The following KCNK9 variants were observed in gnomAD, a reference collection of about 807,000 sequenced individuals.
KCNK9 encodes potassium two pore domain channel subfamily K member 9, also known as potassium channel subfamily K member 9.
KCNK9 carries 1 observed loss-of-function variant against 10.8 expected under a neutral mutation model. The observed-to-expected ratio is 0.09, with a 90% CI of 0.03 to 0.44. KCNK9 has a LOEUF of 0.44. Ranked by LOEUF, KCNK9 falls within the 20% of genes least tolerant of loss-of-function variation. The pLI, the probability that KCNK9 is intolerant of heterozygous loss-of-function variation, is 0.97. For synonymous variants in KCNK9, 231 were observed against 222.7 expected (o/e 1.04, Z -0.33); for missense variants, 303 against 515.0 (o/e 0.59, Z 3.98).
At chr8:139,698,631 T>C (rs767657744) in intron 1 of KCNK9, among the ~76,000 whole-genome samples, 1 of 152,162 alleles carries the variant, frequency 6.6e-6, no homozygotes, top group Non-Finnish European at 1.5e-5. Context: ...TCCAGCTCCC[T>C]CCTCCTCACT....
chr8:139,667,157 C>T (rs1254688378), intron 1 of KCNK9, among the ~76,000 whole-genome samples: 1 of 152,194 alleles, frequency 6.6e-6, no homozygotes, highest in Non-Finnish European at 1.5e-5. Context: ...CAGAAGCGCC[C>T]GAGTGGGCTG....
intron 1 of KCNK9, among the ~76,000 whole-genome samples, chr8:139,623,508 C>A (rs1004403299): frequency 6.6e-6 from 1 of 152,260 alleles, no homozygotes; most frequent in South Asian, 2.1e-4. Context: ...CGGATAGAGG[C>A]TGGGGCATGG....
rs1347908654 is a variant in KCNK9 at position 139,703,070 on chromosome 8, GGCCGCCGCCGCCTCCTCCTCCGCCGCC to G, written c.-105_-79del. On this transcript the variant is annotated 5_prime_UTR_variant, in exon 1 of 2. Transcript: ENST00000520439. This position sits in a 1 kb window ranked among gnomAD's most constrained non-coding sequence, Gnocchi z 6.4. ...CGCGCGTCCCACTGCAGCGCCCGGCGGCCGCCGCCGCCTCCTCCTCCGCCGCCGCCGCCGCCGCCTCCAAGTTGTAAG... is the reference window on the plus strand; with the variant it reads ...CGCGCGTCCCACTGCAGCGCCCGGCGGCCGCCGCCGCCTCCAAGTTGTAAG... The G allele has an allele frequency of 7.1e-6, 9 of 1,265,614 alleles. No homozygotes were observed. The highest frequency in any genetic ancestry group is 2.9e-4 in the Middle Eastern group (1 of 3,398). 78.4% of individuals were successfully genotyped at this position (1,265,614 alleles called of 1,614,324 possible).
intron 1 of KCNK9, among the ~76,000 whole-genome samples, chr8:139,656,650 G>T (rs953615232): frequency 2.0e-5 from 3 of 152,152 alleles, no homozygotes; most frequent in Admixed American, 6.5e-5. Flanking sequence ...CCAAATTTTG[G>T]AGGAGCTCAA....
chr8:139,642,835 T>C (rs1481203452), intron 1 of KCNK9, among the ~76,000 whole-genome samples: 1 of 152,140 alleles, frequency 6.6e-6, no homozygotes, highest in Non-Finnish European at 1.5e-5. Context: ...GCGGCCCCCA[T>C]GGGGAACCTG....
At chr8:139,682,897 G>C (rs1482381952) in intron 1 of KCNK9, among the ~76,000 whole-genome samples, 4 of 152,086 alleles carry the variant, frequency 2.6e-5, no homozygotes, top group South Asian at 2.1e-4. Flanking sequence ...ATTAGAGAGG[G>C]CTCCTCTGTG....
chr8:139,612,695 T>G (rs1030044802), downstream of KCNK9: 4 of 152,178 alleles, frequency 2.6e-5, no homozygotes, highest in African/African-American at 9.7e-5. Flanking sequence ...AAAACAACAT[T>G]TAATATGACT....
At position 139,680,522 on chromosome 8, in the gene KCNK9, G is replaced by A. The variant is rs7821614; in HGVS notation, c.283+22188C>T. ...AGGAAGATGGATCCTTACCCATGGA[G>A]GAGATCAGAGGAGGAGGCTGACGTG... On this transcript the variant is annotated intron_variant, in intron 1 of 1. Coordinates refer to ENST00000520439, the MANE Select transcript of KCNK9 (RefSeq NM_001282534.2). 6.5e-3 allele frequency among the ~76,000 whole-genome samples: 988 copies of A among 152,294 alleles called. 7 individuals are homozygous for A. The highest frequency in any genetic ancestry group is 0.023 in the African/African-American group (937 of 41,568).
chr8:139,630,593 G>A (rs981609042), intron 1 of KCNK9, among the ~76,000 whole-genome samples: 2 of 152,248 alleles, frequency 1.3e-5, no homozygotes, highest in South Asian at 2.1e-4. Context: ...GCCAATGGAA[G>A]GCCCGCGGAG....
Position 139,702,652 on chromosome 8 carries a change from G to T in KCNK9, c.283+58C>A. Reference sequence around the variant, plus strand: ...CACCCAGCCCGGCGCGGCGCGCTCAGCCGCCTCCCCGGACTCCTCCCGGGG... The same window carrying T: ...CACCCAGCCCGGCGCGGCGCGCTCATCCGCCTCCCCGGACTCCTCCCGGGG... On this transcript the variant is annotated intron_variant, in intron 1 of 1. Transcript: ENST00000520439. The surrounding 1 kb of genome is among the most constrained non-coding windows in gnomAD (Gnocchi z 7.5). The T allele has an allele frequency of 6.6e-7, 1 of 1,518,140 alleles. No individual in the cohort carries two copies. Among genetic ancestry groups the T allele is most frequent in the Non-Finnish European group, 8.8e-7 (1 of 1,130,228 alleles). 94.0% of individuals were successfully genotyped at this position (1,518,140 alleles called of 1,614,324 possible).
intron 1 of KCNK9, among the ~76,000 whole-genome samples, chr8:139,654,421 C>A (rs375108537): frequency 2.0e-5 from 3 of 152,164 alleles, no homozygotes; most frequent in African/African-American, 7.2e-5. Flanking sequence ...GAGCAGATGC[C>A]CTGCCCGCTC....
chr8:139,641,864 C>CA (rs1815516629), intron 1 of KCNK9, among the ~76,000 whole-genome samples: 2 of 152,152 alleles, frequency 1.3e-5, no homozygotes, highest in African/African-American at 4.8e-5. Flanking sequence ...CAGCAGAAGA[C>CA]AGAGTGAGCA....
intron 1 of KCNK9, among the ~76,000 whole-genome samples, chr8:139,699,393 C>G (rs1045023069): frequency 6.6e-6 from 1 of 152,206 alleles, no homozygotes; most frequent in South Asian, 2.1e-4. Context: ...TCCTGACTTT[C>G]ACCACTTCCA....
Position 139,618,214 on chromosome 8 carries a change from C to T in KCNK9, c.*44G>A. The T allele has an allele frequency of 1.9e-6, 3 of 1,613,498 alleles. No homozygotes were observed. The highest frequency in any genetic ancestry group is 2.5e-6 in the Non-Finnish European group (3 of 1,179,608). On this transcript the variant is annotated 3_prime_UTR_variant, in exon 2 of 2. Transcript: ENST00000520439. This position sits in a 1 kb window ranked among gnomAD's most constrained non-coding sequence, Gnocchi z 7.9. ...GAGTTGGACCAATGGAAATTAACAC[C>T]AACTATGACAAATGACTTTTCTGTC...
chr8:139,673,718 G>A (rs1184074424), intron 1 of KCNK9, among the ~76,000 whole-genome samples: 2 of 152,188 alleles, frequency 1.3e-5, no homozygotes, highest in South Asian at 2.1e-4. Context: ...TTGTAAAAAT[G>A]CCACCAAAGA....
At chr8:139,669,440 C>T (rs960419910) in intron 1 of KCNK9, among the ~76,000 whole-genome samples, 1 of 152,182 alleles carries the variant, frequency 6.6e-6, no homozygotes, top group South Asian at 2.1e-4. Context: ...ATTCTAAATC[C>T]CTTGTTGTCA....
In KCNK9 at chr8:139,684,415, C is replaced by A. The variant is rs575121046; in HGVS notation, c.283+18295G>T. Among the ~76,000 whole-genome samples, 160 of 152,262 alleles carry A rather than the reference C, an allele frequency of 1.1e-3. 1 individual carries two copies. Among genetic ancestry groups the A allele is most frequent in the African/African-American group, 3.8e-3 (159 of 41,556 alleles). ...GTCAGTATACACCCATATTTTGTGA[C>A]TAACTTTATACCTTATTTTTATGTC... On this transcript the variant is annotated intron_variant, in intron 1 of 1. Coordinates refer to ENST00000520439, the MANE Select transcript of KCNK9 (RefSeq NM_001282534.2).
At chr8:139,608,883 A>G (rs532490881), downstream of KCNK9, among the ~76,000 whole-genome samples, 12 of 152,240 alleles carry the variant, frequency 7.9e-5, no homozygotes, top group African/African-American at 2.6e-4. Context: ...CTGAGCCCAG[A>G]GCTGGGCTTT....
In KCNK9 at chr8:139,622,323, A is replaced by G. The variant is rs912995985; in HGVS notation, c.284-3224T>C. The stretch of plus-strand genomic sequence containing the variant: ...TTCGGGACTCCCAAGGCCTTCTAGG[A>G]AAAAGAAGGTGGTACAGGGTATCCT... On this transcript the variant is annotated intron_variant, in intron 1 of 1. Coordinates refer to ENST00000520439, the MANE Select transcript of KCNK9 (RefSeq NM_001282534.2). Among the ~76,000 whole-genome samples, 10 of 152,210 alleles carry G rather than the reference A, an allele frequency of 6.6e-5. No homozygotes were observed. The East Asian group carries it at 1.9e-3, about 29-fold the overall frequency.
Sources: allele counts gnomAD v4.1 joint callset (sites outside exome capture counted in the v4.1 genomes callset), GRCh38; gene constraint gnomAD v4.1.1; non-coding constraint Gnocchi (gnomAD v3.1); transcripts MANE v1.5; gene names NCBI Gene and HGNC (gene_info 2026-07-23, HGNC 2026-07-21).